The following TMEM178A variants were observed in gnomAD, a reference collection of about 807,000 sequenced individuals.
TMEM178A encodes the protein transmembrane protein 178A.
In TMEM178A, 12 loss-of-function variants were observed where a neutral mutation model predicts 29.1. The ratio of observed to expected loss-of-function variants is 0.41; its 90% CI spans 0.26 to 0.67. The LOEUF (loss-of-function observed/expected upper bound fraction) is 0.67. Among genes scored for constraint, TMEM178A ranks in the 30% least tolerant of loss-of-function variants. The probability of loss-of-function intolerance (pLI) is 0.29; values close to 1 mark genes in which losing one functional copy is unlikely to be tolerated. For missense variants in TMEM178A, 366 were observed against 419.1 expected, an observed-to-expected ratio of 0.87 and a Z score of 1.11; for synonymous variants, 210 against 187.2, an observed-to-expected ratio of 1.12 and a Z score of -0.99.
chr2:39,700,594 G>A (rs1188978357), intron 1 of TMEM178A, among the ~76,000 whole-genome samples: 1 of 151,838 alleles, frequency 6.6e-6, no homozygotes, highest in African/African-American at 2.4e-5. Flanking sequence ...ACATCATGTA[G>A]TTGGATTATG....
chr2:39,726,925 G>A, the TMEM178A span, among the ~76,000 whole-genome samples: 3 of 152,134 alleles, frequency 2.0e-5, no homozygotes, highest in East Asian at 5.8e-4. Context: ...GCATTCAGAT[G>A]GCAAAATTAC....
chr2:39,700,913 C>A (rs1344555390), intron 1 of TMEM178A, among the ~76,000 whole-genome samples: 2 of 151,514 alleles, frequency 1.3e-5, no homozygotes, highest in African/African-American at 4.8e-5. Flanking sequence ...GGATTAATAC[C>A]AATTGAATTC....
At chr2:39,722,015 A>T (rs1672716193), downstream of TMEM178A, among the ~76,000 whole-genome samples, 1 of 142,442 alleles carries the variant, frequency 7.0e-6, no homozygotes, top group Admixed American at 6.9e-5. Context: ...AAAAAAAAAA[A>T]ATCAGTGTTG....
At chr2:39,670,774 T>G (rs555400408) in intron 1 of TMEM178A, among the ~76,000 whole-genome samples, 2 of 152,354 alleles carry the variant, frequency 1.3e-5, no homozygotes, top group African/African-American at 4.8e-5. Flanking sequence ...AAATCAATTT[T>G]GAATAGAAAT....
At chr2:39,716,862 TAATTC>T in intron 3 of TMEM178A, 143 bp from the exon 4 acceptor site, 1 of 1,031,560 alleles carries the variant, frequency 9.7e-7, no homozygotes, top group Non-Finnish European at 1.4e-6. Context: ...TTATATGAAT[TAATTC>T]AAGTAAAATA....
chr2:39,677,944 A>G (rs1345802547), intron 1 of TMEM178A, among the ~76,000 whole-genome samples: 1 of 152,106 alleles, frequency 6.6e-6, no homozygotes, highest in East Asian at 1.9e-4. Context: ...ATTGCATGCC[A>G]ACTTGTAGGT....
intron 3 of TMEM178A, among the ~76,000 whole-genome samples, chr2:39,707,419 C>T (rs1672083930): frequency 1.3e-5 from 2 of 152,152 alleles, no homozygotes; most frequent in South Asian, 4.1e-4. Context: ...ATGGAAGTGT[C>T]TTGGGTTTAA....
intron 3 of TMEM178A, 23 bp from the exon 4 acceptor site, chr2:39,716,987 T>C (rs1300249964): frequency 1.8e-5 from 29 of 1,598,468 alleles, no homozygotes; most frequent in Non-Finnish European, 2.4e-5. Flanking sequence ...CTAATCATTC[T>C]GTTCTCTTTG....
chr2:39,718,566 T>C (rs1372393578), downstream of TMEM178A, among the ~76,000 whole-genome samples: 2 of 152,250 alleles, frequency 1.3e-5, no homozygotes, highest in Admixed American at 6.5e-5. Context: ...GCACTTACTA[T>C]GTGCCAGTAA....
In TMEM178A at chr2:39,666,343, C is replaced by A; in HGVS notation, c.369C>A (p.Ile123=). 1 of 1,445,470 alleles carries A rather than the reference C, an allele frequency of 6.9e-7. No individual in the cohort carries two copies. Among genetic ancestry groups the A allele is most frequent in the South Asian group, 1.3e-5 (1 of 74,352 alleles). 89.5% of individuals were successfully genotyped at this position (1,445,470 alleles called of 1,614,324 possible). A position where few individuals can be genotyped will look rare whatever the true frequency, so the allele number is the denominator to read the frequency against. The change falls in exon 1 of 4, where the codon ATC becomes ATA. Residue 123 remains isoleucine, a synonymous_variant. Transcript: ENST00000281961. ...GGAGGAAGTGCTACTTCCTGGGCAT[C>A]GACCGGGACATCGACACCCTCATCC... ...GLWRKCYFLG[I]DRDIDTLILK...
In TMEM178A at chr2:39,694,074, G is replaced by C. The variant is rs150883041; in HGVS notation, c.401-10007G>C. 6.0e-3 allele frequency among the ~76,000 whole-genome samples: 902 copies of C among 149,956 alleles called. 4 individuals carry two copies. The highest frequency in any genetic ancestry group is 8.3e-3 in the Non-Finnish European group (562 of 67,716). On this transcript the variant is annotated intron_variant, in intron 1 of 3. Coordinates refer to ENST00000281961, the MANE Select transcript of TMEM178A (RefSeq NM_152390.3). ...CCTCTTTGGCCCCTAGAGATAATGT[G>C]TTTGCAGTTCAAGGAACTCACCTGA...
intron 1 of TMEM178A, among the ~76,000 whole-genome samples, chr2:39,670,039 A>G (rs977347803): frequency 1.3e-5 from 2 of 152,202 alleles, no homozygotes; most frequent in Non-Finnish European, 2.9e-5. Context: ...GATGCTGAGG[A>G]AGCTTTGCTG....
chr2:39,710,861 C>T (rs916170332), intron 3 of TMEM178A, among the ~76,000 whole-genome samples: 1 of 152,242 alleles, frequency 6.6e-6, no homozygotes, highest in Non-Finnish European at 1.5e-5. Context: ...TGAAGAACAT[C>T]AACCATGTGA....
the TMEM178A span, among the ~76,000 whole-genome samples, chr2:39,723,032 C>T: frequency 6.6e-6 from 1 of 152,184 alleles, no homozygotes; most frequent in East Asian, 1.9e-4. Context: ...CCGCTGGATC[C>T]TACACAAAGG....
chr2:39,720,657 G>A (rs937062077), downstream of TMEM178A, among the ~76,000 whole-genome samples: 16 of 152,160 alleles, frequency 1.1e-4, no homozygotes, highest in African/African-American at 3.6e-4. Flanking sequence ...GCCTTGTCCC[G>A]GTGCTCAGCC....
At chr2:39,718,188 TTTC>T (rs1672624206), downstream of TMEM178A, among the ~76,000 whole-genome samples, 1 of 135,792 alleles carries the variant, frequency 7.4e-6, no homozygotes, top group African/African-American at 2.8e-5. Flanking sequence ...TATTTACAAT[TTTC>T]TTCTTCTCCT....
At chr2:39,711,908 G>A (rs947252792) in intron 3 of TMEM178A, among the ~76,000 whole-genome samples, 1 of 152,082 alleles carries the variant, frequency 6.6e-6, no homozygotes, top group African/African-American at 2.4e-5. Context: ...CTAAACATAC[G>A]AATATTCACA....
At chr2:39,678,864 T>A (rs1343678926) in intron 1 of TMEM178A, among the ~76,000 whole-genome samples, 1 of 152,218 alleles carries the variant, frequency 6.6e-6, no homozygotes, top group African/African-American at 2.4e-5. Context: ...TTTCTAGTCC[T>A]TCAATACACA....
At position 39,707,122 on chromosome 2, in the gene TMEM178A, A is replaced by C. The variant is rs1331579974; in HGVS notation, c.588A>C (p.Thr196=). Reference sequence around the variant, plus strand: ...TTCTCTGCGGCTGCATTGTGGCCACAGTCAGTTTCTTCTGGGAGGAGAGCT... The same window carrying C: ...TTCTCTGCGGCTGCATTGTGGCCACCGTCAGTTTCTTCTGGGAGGAGAGCT... ...AVLLCGCIVA[T]VSFFWEESLT... The change falls in exon 3 of 4, where the codon ACA becomes ACC. Residue 196 remains threonine (T), a synonymous_variant. Coordinates refer to ENST00000281961, the MANE Select transcript of TMEM178A (RefSeq NM_152390.3). 6.2e-7 allele frequency: 1 copy of C among 1,614,208 alleles called. No homozygotes were observed. Among genetic ancestry groups the C allele is most frequent in the Admixed American group, 1.7e-5 (1 of 60,020 alleles).
Sources: allele counts gnomAD v4.1 joint callset (sites outside exome capture counted in the v4.1 genomes callset), GRCh38; gene constraint gnomAD v4.1.1; transcripts MANE v1.5; gene names NCBI Gene and HGNC (gene_info 2026-07-23, HGNC 2026-07-21).